The following FAM216B variants were observed in gnomAD, a reference collection of about 807,000 sequenced individuals.
FAM216B encodes the protein protein FAM216B.
A neutral mutation model predicts 12.9 loss-of-function variants in FAM216B; 11 were observed. The ratio of observed to expected loss-of-function variants is 0.86; its 90% confidence interval spans 0.54 to 1.42. The LOEUF is 1.42. Among genes scored for constraint, FAM216B ranks in the 40% most tolerant of loss-of-function variants. FAM216B has a pLI of 0.00. For synonymous variants in FAM216B, 52 were observed against 57.2 expected (o/e 0.91, Z 0.41); for missense variants, 167 against 162.9 (o/e 1.02, Z -0.14).
chr13:42,786,798 C>T lies in FAM216B; in HGVS notation c.135C>T (p.Ser45=), dbSNP rs771383014. Residue 45 remains serine (S), a synonymous_variant, in exon 3 of 4, where the codon AGC becomes AGT. Transcript: ENST00000313851. ...LNQGQQRYFY[S]IMRIYNSRPQ... Reference sequence around the variant, plus strand: ...AAGGGCAACAGCGCTACTTTTACAGCATTATGAGGATTTACAACTCCAGGC... The same window carrying T: ...AAGGGCAACAGCGCTACTTTTACAGTATTATGAGGATTTACAACTCCAGGC... 18 of 1,613,936 alleles carry T rather than the reference C, an allele frequency of 1.1e-5. No homozygotes were observed. Among genetic ancestry groups the T allele is most frequent in the Non-Finnish European group, 1.5e-5 (18 of 1,179,964 alleles).
chr13:42,783,987 T>TTAAGTAAA, intron 1 of FAM216B, 67 bp from the exon 2 acceptor site: 2 of 950,360 alleles, frequency 2.1e-6, no homozygotes, highest in Non-Finnish European at 3.2e-6. Flanking sequence ...ACTTATTTAC[T>TTAAGTAAA]TAAGTACATC....
chr13:42,786,451 T>C (rs1000608217), intron 2 of FAM216B, among the ~76,000 whole-genome samples: 1 of 152,190 alleles, frequency 6.6e-6, no homozygotes, highest in African/African-American at 2.4e-5. Context: ...TATTACAACC[T>C]ACTTTCCTCA....
At chr13:42,786,653 T>G in intron 2 of FAM216B, 110 bp from the exon 3 acceptor site, 1 of 1,268,062 alleles carries the variant, frequency 7.9e-7, no homozygotes, top group Non-Finnish European at 1.1e-6. Context: ...AAAAAACATA[T>G]GGTTAGCAAG....
chr13:42,782,905 T>C (rs754624548), intron 1 of FAM216B, among the ~76,000 whole-genome samples: 2 of 149,096 alleles, frequency 1.3e-5, no homozygotes, highest in Non-Finnish European at 3.0e-5. Context: ...CTAAAAATCA[T>C]ATTTTTAAGG....
At chr13:42,788,156 CCT>C (rs1482189057) in intron 3 of FAM216B, among the ~76,000 whole-genome samples, 4 of 152,108 alleles carry the variant, frequency 2.6e-5, no homozygotes, top group Non-Finnish European at 4.4e-5. Context: ...CAAGATTAAC[CCT>C]CTGAGTTTCT....
intron 1 of FAM216B, among the ~76,000 whole-genome samples, chr13:42,782,177 G>GTGT (rs1873880626): frequency 6.6e-6 from 1 of 152,034 alleles, no homozygotes; most frequent in African/African-American, 2.4e-5. Context: ...TGGAACCTTC[G>GTGT]ATGTGTGAAC....
At position 42,784,167 on chromosome 13, in the gene FAM216B, GT is replaced by G; in HGVS notation, c.99+2del. 9.5e-7 allele frequency: 1 copy of G among 1,052,650 alleles called. No homozygotes were observed. The highest frequency in any genetic ancestry group is 1.5e-5 in the South Asian group (1 of 68,208). The allele number at this position is 1,052,650 out of a possible 1,614,324, so 65.2% of individuals were successfully genotyped here. A position where few individuals can be genotyped will look rare whatever the true frequency, so the allele number is the denominator to read the frequency against. ...CATCTATGACACTTCCTTACTAAAGGTATGGCTTTTTTTTTTTTTTTTTTTT... is the reference window on the plus strand; with the variant it reads ...CATCTATGACACTTCCTTACTAAAGGATGGCTTTTTTTTTTTTTTTTTTTT... On this transcript the variant is annotated splice_donor_variant, in intron 2 of 3. Coordinates refer to ENST00000313851, the MANE Select transcript of FAM216B (RefSeq NM_001318932.2). LOFTEE classifies it high-confidence loss of function.
chr13:42,781,745 T>C (rs1873864464), intron 1 of FAM216B, 81 bp downstream of exon 1: 1 of 152,220 alleles, frequency 6.6e-6, no homozygotes, highest in East Asian at 1.9e-4. Flanking sequence ...ATTCCATGAG[T>C]ATTTTAATCA....
chr13:42,787,570 G>A (rs913320727), intron 3 of FAM216B, among the ~76,000 whole-genome samples: 3 of 152,196 alleles, frequency 2.0e-5, no homozygotes, highest in Non-Finnish European at 4.4e-5. Context: ...CTTACCGAAA[G>A]GCTAATTGTT....
Position 42,791,326 on chromosome 13 carries a change from C to T in FAM216B, c.*2536C>T, listed in dbSNP as rs1461444734. 1 of 152,132 alleles carries T rather than the reference C, an allele frequency of 6.6e-6. No homozygotes were observed. Among genetic ancestry groups the T allele is most frequent in the Non-Finnish European group, 1.5e-5 (1 of 68,028 alleles). The allele number at this position is 152,132 out of a possible 1,614,324, so 9.4% of individuals were successfully genotyped here. A position where few individuals can be genotyped will look rare whatever the true frequency, so the allele number is the denominator to read the frequency against. On this transcript the variant is annotated 3_prime_UTR_variant, in exon 4 of 4. Transcript: ENST00000313851. ...AGGGAATATCCTGCTATATAGTTGG[C>T]TCTCAGTACATATGGTGTCAGCTCA...
chr13:42,789,345 T>C lies in FAM216B; in HGVS notation c.*555T>C, dbSNP rs1254828554. The C allele has an allele frequency of 6.6e-6, 1 of 152,358 alleles. No individual in the cohort carries two copies. The highest frequency in any genetic ancestry group is 1.5e-5 in the Non-Finnish European group (1 of 68,152). The allele number at this position is 152,358 out of a possible 1,614,324, so 9.4% of individuals were successfully genotyped here. A position where few individuals can be genotyped will look rare whatever the true frequency, so the allele number is the denominator to read the frequency against. On this transcript the variant is annotated 3_prime_UTR_variant, in exon 4 of 4. Coordinates refer to ENST00000313851, the MANE Select transcript of FAM216B (RefSeq NM_001318932.2). ...CCTGGCTTGATCACTTTGTGTCATC[T>C]TGAAACATGCACTTATCAGTCTACC...
rs945132759 is a variant in FAM216B at position 42,789,510 on chromosome 13, C to T, written c.*720C>T. 1.3e-5 allele frequency: 2 copies of T among 152,204 alleles called. No homozygotes were observed. Among genetic ancestry groups the T allele is most frequent in the African/African-American group, 4.8e-5 (2 of 41,444 alleles). The allele number at this position is 152,204 out of a possible 1,614,324, so 9.4% of individuals were successfully genotyped here. A position where few individuals can be genotyped will look rare whatever the true frequency, so the allele number is the denominator to read the frequency against. ...CCGAAGACTTTATTTCATGTCCAAC[C>T]TTTCTGTGGCCTCAAATGTTTTAAG... is the stretch of plus-strand genomic sequence containing the variant. On this transcript the variant is annotated 3_prime_UTR_variant, in exon 4 of 4. Coordinates refer to ENST00000313851, the MANE Select transcript of FAM216B (RefSeq NM_001318932.2).
intron 2 of FAM216B, 29 bp from the exon 3 acceptor site, chr13:42,786,734 C>A: frequency 6.2e-7 from 1 of 1,612,060 alleles, no homozygotes; most frequent in South Asian, 1.1e-5. Context: ...TCCACACACT[C>A]ATCAAAATCA....
At chr13:42,786,615 T>C (rs937468084) in intron 2 of FAM216B, 148 bp from the exon 3 acceptor site, 16 of 982,162 alleles carry the variant, frequency 1.6e-5, no homozygotes, top group Non-Finnish European at 2.0e-5. Context: ...CCCCAGTTGT[T>C]ATTTTCCAAT....
intron 3 of FAM216B, 89 bp from the exon 4 acceptor site, chr13:42,788,502 G>A (rs1874176779): frequency 2.8e-6 from 3 of 1,054,574 alleles, no homozygotes; most frequent in South Asian, 3.6e-5. Flanking sequence ...AATAAATTTT[G>A]TACACATAAG....
In FAM216B at chr13:42,788,920, T is replaced by G; in HGVS notation, c.*130T>G. On this transcript the variant is annotated 3_prime_UTR_variant, in exon 4 of 4. Coordinates refer to ENST00000313851, the MANE Select transcript of FAM216B (RefSeq NM_001318932.2). ...AAACCCCAGACCTAAAAATAATCTC[T>G]GATTCATATAAATTTTGCCAGCAAG... 3 of 973,704 alleles carry G rather than the reference T, an allele frequency of 3.1e-6. No homozygotes were observed. Among genetic ancestry groups the G allele is most frequent in the Non-Finnish European group, 4.3e-6 (3 of 693,298 alleles). The allele number at this position is 973,704 out of a possible 1,614,324, so 60.3% of individuals were successfully genotyped here.
chr13:42,783,037 T>A (rs1474431284), intron 1 of FAM216B, among the ~76,000 whole-genome samples: 1 of 152,214 alleles, frequency 6.6e-6, no homozygotes, highest in Non-Finnish European at 1.5e-5. Flanking sequence ...AAGCTCAGCA[T>A]GGTGCCTCAT....
At chr13:42,783,327 TAAAC>T (rs992188405) in intron 1 of FAM216B, among the ~76,000 whole-genome samples, 12 of 152,022 alleles carry the variant, frequency 7.9e-5, no homozygotes, top group African/African-American at 2.9e-4. Context: ...TATAAATAAA[TAAAC>T]AAATAAAAGG....
chr13:42,784,836 A>AAAAT (rs58613242), intron 2 of FAM216B, among the ~76,000 whole-genome samples: 39,585 of 147,010 alleles, frequency 0.27, 5,415 homozygotes, highest in African/African-American at 0.33. Context: ...TCCGTCTCAA[A>AAAAT]AAATAAATAA....
Sources: gnomAD v4.1 joint callset for allele counts (sites outside exome capture counted in the v4.1 genomes callset) on GRCh38, gnomAD v4.1.1 for gene constraint, MANE v1.5 for transcripts, NCBI Gene and HGNC (gene_info 2026-07-23, HGNC 2026-07-21) for gene names.